ST6GALNAC3: variants seen among roughly 807,000 people sequenced by gnomAD.
ST6GALNAC3 encodes ST6 N-acetylgalactosaminide alpha-2,6-sialyltransferase 3.
ST6GALNAC3 carries 25 observed loss-of-function variants against 32.7 expected under a neutral mutation model. The ratio of observed to expected loss-of-function variants is 0.76; its 90% CI spans 0.56 to 1.07. The LOEUF (loss-of-function observed/expected upper bound fraction) is 1.07, where lower values mean the gene tolerates loss of function less well. Among genes scored for constraint, ST6GALNAC3 ranks in the 50% least tolerant of loss-of-function variants. The probability of loss-of-function intolerance (pLI) is 0.00; values close to 1 mark genes in which losing one functional copy is unlikely to be tolerated. For missense variants in ST6GALNAC3, 355 were observed against 382.4 expected (o/e 0.93, Z 0.60); for synonymous variants, 129 against 133.1 (o/e 0.97, Z 0.21).
chr1:76,369,287 G>A (rs1650630347), intron 2 of ST6GALNAC3, among the ~76,000 whole-genome samples: 2 of 152,060 alleles, frequency 1.3e-5, no homozygotes, highest in Non-Finnish European at 2.9e-5. Context: ...ACATGCTCAG[G>A]TATCACTGTG....
At chr1:76,144,010 T>C (rs1033213026) in intron 1 of ST6GALNAC3, among the ~76,000 whole-genome samples, 11 of 152,190 alleles carry the variant, frequency 7.2e-5, no homozygotes, top group African/African-American at 2.4e-4. Context: ...CCCATGTCAC[T>C]GTGAGCAGTA....
At chr1:76,434,498 T>C (rs1655992944) in intron 3 of ST6GALNAC3, among the ~76,000 whole-genome samples, 1 of 152,172 alleles carries the variant, frequency 6.6e-6, no homozygotes, top group African/African-American at 2.4e-5. Context: ...CAACAAGAAG[T>C]AACATTGAAA....
intron 2 of ST6GALNAC3, among the ~76,000 whole-genome samples, chr1:76,324,906 G>C (rs1647037382): frequency 6.6e-6 from 1 of 151,582 alleles, no homozygotes; most frequent in Admixed American, 6.6e-5. Flanking sequence ...ATTAATTATT[G>C]CACTTTCATT....
At chr1:76,307,804 T>C (rs1361920128) in intron 1 of ST6GALNAC3, 2 of 408,190 alleles carry the variant, frequency 4.9e-6, no homozygotes, top group Non-Finnish European at 1.0e-5. Flanking sequence ...CATATTAATA[T>C]AGATTGCAAA....
chr1:76,356,373 C>G (rs1649443666), intron 2 of ST6GALNAC3, among the ~76,000 whole-genome samples: 1 of 150,682 alleles, frequency 6.6e-6, no homozygotes, highest in African/African-American at 2.4e-5. Flanking sequence ...ATAACACTGA[C>G]TCCTTGCCGC....
chr1:76,214,384 T>G (rs1655340249), intron 1 of ST6GALNAC3, among the ~76,000 whole-genome samples: 1 of 152,066 alleles, frequency 6.6e-6, no homozygotes, highest in South Asian at 2.1e-4. Context: ...TCTCATATAC[T>G]CAAAGCAACC....
chr1:76,507,396 C>G (rs1350987422), intron 3 of ST6GALNAC3, among the ~76,000 whole-genome samples: 2 of 152,130 alleles, frequency 1.3e-5, no homozygotes, highest in East Asian at 1.9e-4. Context: ...GACACTTTCA[C>G]CACTCCAAAA....
chr1:76,494,919 A>C (rs1371120988), intron 3 of ST6GALNAC3, among the ~76,000 whole-genome samples: 2 of 152,214 alleles, frequency 1.3e-5, no homozygotes, highest in East Asian at 3.9e-4. Context: ...ACTCTGAAAA[A>C]GCAGATGTTT....
intron 3 of ST6GALNAC3, among the ~76,000 whole-genome samples, chr1:76,489,135 A>G (rs1014771507): frequency 6.6e-6 from 1 of 152,330 alleles, no homozygotes; most frequent in Admixed American, 6.5e-5. Context: ...ACTTAAATTA[A>G]TGAATGAATG....
At chr1:76,442,496 A>T (rs1656682977) in intron 3 of ST6GALNAC3, among the ~76,000 whole-genome samples, 1 of 152,212 alleles carries the variant, frequency 6.6e-6, no homozygotes, top group Admixed American at 6.5e-5. Context: ...TTTACTTTGT[A>T]CACATCCTAG....
chr1:76,418,880 C>T (rs1654833033), intron 3 of ST6GALNAC3, among the ~76,000 whole-genome samples: 1 of 151,502 alleles, frequency 6.6e-6, no homozygotes, highest in Non-Finnish European at 1.5e-5. Context: ...TGATGGCATT[C>T]AGTGACCTAC....
intron 3 of ST6GALNAC3, among the ~76,000 whole-genome samples, chr1:76,423,412 C>A (rs1161895654): frequency 6.6e-6 from 1 of 151,886 alleles, no homozygotes; most frequent in Non-Finnish European, 1.5e-5. Flanking sequence ...CGTTCTTTTT[C>A]ATTTATTGTA....
intron 3 of ST6GALNAC3, among the ~76,000 whole-genome samples, chr1:76,573,068 C>T (rs1487772453): frequency 2.6e-5 from 4 of 152,002 alleles, no homozygotes; most frequent in Admixed American, 2.0e-4. Flanking sequence ...AGTGAGTTGC[C>T]AGGGGAGTCA....
intron 3 of ST6GALNAC3, among the ~76,000 whole-genome samples, chr1:76,468,711 TAAGGGA>T (rs1658818360): frequency 6.6e-6 from 1 of 152,056 alleles, no homozygotes; most frequent in Non-Finnish European, 1.5e-5. Context: ...CAATTGAGGC[TAAGGGA>T]CTAAGGGATT....
At chr1:76,616,090 C>G (rs948921297) in intron 3 of ST6GALNAC3, among the ~76,000 whole-genome samples, 5 of 152,164 alleles carry the variant, frequency 3.3e-5, no homozygotes, top group African/African-American at 1.2e-4. Flanking sequence ...AGAACTTCTT[C>G]CAGGTACTGA....
At chr1:76,187,736 C>T (rs781042290) in intron 1 of ST6GALNAC3, among the ~76,000 whole-genome samples, 52 of 152,200 alleles carry the variant, frequency 3.4e-4, no homozygotes, top group Non-Finnish European at 6.2e-4. Context: ...ACTCCAAACA[C>T]ACACACACAC....
At chr1:76,545,023 A>G in intron 3 of ST6GALNAC3, among the ~76,000 whole-genome samples, 1 of 152,166 alleles carries the variant, frequency 6.6e-6, no homozygotes, top group East Asian at 1.9e-4. Context: ...GATCAGTGAG[A>G]ACTTTGTTAT....
chr1:76,142,274 G>A (rs377617867), intron 1 of ST6GALNAC3, among the ~76,000 whole-genome samples: 98 of 152,274 alleles, frequency 6.4e-4, no homozygotes, highest in African/African-American at 2.2e-3. Flanking sequence ...CAACATCAGC[G>A]GCTTAAATCA....
At chr1:76,143,488 A>G (rs1454444872) in intron 1 of ST6GALNAC3, among the ~76,000 whole-genome samples, 4 of 151,870 alleles carry the variant, frequency 2.6e-5, no homozygotes, top group Non-Finnish European at 4.4e-5. Flanking sequence ...ACAAGCTTAC[A>G]GCCCCCATTT....
Sources: allele counts gnomAD v4.1 joint callset (sites outside exome capture counted in the v4.1 genomes callset), GRCh38; gene constraint gnomAD v4.1.1; transcripts MANE v1.5; gene names NCBI Gene and HGNC (gene_info 2026-07-23, HGNC 2026-07-21).